AQR: variants seen among roughly 807,000 people sequenced by gnomAD.
AQR encodes the protein RNA helicase aquarius.
Under a neutral mutation model 180.5 loss-of-function variants are expected in AQR, and 61 were observed. That is an observed-to-expected ratio of 0.34 (90% CI 0.28 to 0.42). The LOEUF is 0.42. AQR is among the 10% of genes least tolerant of loss of function. The pLI, the probability that AQR is intolerant of heterozygous loss-of-function variation, is 1.00. For missense variants in AQR, 1,281 were observed against 1,798.3 expected (o/e 0.71, Z 5.20); for synonymous variants, 551 against 588.8 (o/e 0.94, Z 0.93).
chr15:34,923,423 A>G (rs1402508444), intron 13 of AQR, among the ~76,000 whole-genome samples: 1 of 152,164 alleles, frequency 6.6e-6, no homozygotes, highest in Non-Finnish European at 1.5e-5. Context: ...AATGTCTTTC[A>G]AAGAGCAGAA....
intron 27 of AQR, 137 bp from the exon 28 acceptor site, chr15:34,876,143 A>G (rs1357606608): frequency 4.8e-6 from 3 of 622,694 alleles, no homozygotes; most frequent in Non-Finnish European, 8.5e-6. Flanking sequence ...AAAAATAACA[A>G]CATACACATT....
In AQR at chr15:34,856,923, C is replaced by G. The variant is rs1892593793; in HGVS notation, c.4327G>C (p.Gly1443Arg). 3 of 1,613,950 alleles carry G rather than the reference C, an allele frequency of 1.9e-6. No homozygotes were observed. The South Asian group carries it at 3.3e-5, about 18-fold the overall frequency. Residue 1443 changes from glycine (G) to arginine (R), a missense_variant, in exon 35 of 35, where the codon GGA becomes CGA. Gly to Arg is a moderately radical substitution (Grantham distance 125, BLOSUM62 -2). This residue lies in a region of AQR where 182 missense variants were observed against 185.3 expected (regional missense o/e 0.98). Coordinates refer to ENST00000156471, the MANE Select transcript of AQR (RefSeq NM_014691.3). ...FQTDTTPSET[G>R]ATSTPEAIPA... ...ATGGCTTCTGGAGTGGAAGTGGCTCCTGTCTCACTGGGGGTGGTGTCAGTT... is the reference window on the plus strand; with the variant it reads ...ATGGCTTCTGGAGTGGAAGTGGCTCGTGTCTCACTGGGGGTGGTGTCAGTT...
intron 13 of AQR, 36 bp downstream of exon 13, chr15:34,926,999 C>T: frequency 6.8e-6 from 9 of 1,319,416 alleles, no homozygotes; most frequent in African/African-American, 4.5e-5. Context: ...GAGCATGATA[C>T]AAAAAAAGAA....
At chr15:34,944,516 T>TA (rs1322160440) in intron 5 of AQR, 88 bp from the exon 6 acceptor site, 4 of 1,325,978 alleles carry the variant, frequency 3.0e-6, no homozygotes, top group African/African-American at 3.0e-5. Context: ...AGCAGTCTAT[T>TA]AAAAAAACCA....
chr15:34,928,902 G>A (rs1372785914), intron 12 of AQR, among the ~76,000 whole-genome samples: 1 of 152,134 alleles, frequency 6.6e-6, no homozygotes, highest in East Asian at 1.9e-4. Context: ...GAGATGGTAT[G>A]GTATCTCACT....
At chr15:34,966,776 G>C (rs2050311412) in intron 1 of AQR, among the ~76,000 whole-genome samples, 1 of 151,644 alleles carries the variant, frequency 6.6e-6, no homozygotes, top group African/African-American at 2.4e-5. Flanking sequence ...TGGGCCATGG[G>C]AACAAACATT....
Position 34,858,130 on chromosome 15 carries a change from T to G in AQR, c.4144-1024A>C, listed in dbSNP as rs1362135580. 2.0e-5 allele frequency among the ~76,000 whole-genome samples: 3 copies of G among 151,558 alleles called. No homozygotes were observed. The East Asian group carries it at 5.9e-4, about 30-fold the overall frequency. On this transcript the variant is annotated intron_variant, in intron 34 of 34. Transcript: ENST00000156471. ...TCCCAAGTAGCTGGGATTACAGACA[T>G]GTACCACCATGCCTGGCTAATTTTT... is the stretch of plus-strand genomic sequence containing the variant.
intron 19 of AQR, among the ~76,000 whole-genome samples, chr15:34,903,186 A>C (rs747139669): frequency 3.3e-5 from 5 of 152,142 alleles, no homozygotes; most frequent in Non-Finnish European, 7.4e-5. Flanking sequence ...TATTTTAAAA[A>C]ACAGCAAAAA....
At chr15:34,956,466 C>G (rs985076613) in intron 3 of AQR, among the ~76,000 whole-genome samples, 6 of 152,026 alleles carry the variant, frequency 3.9e-5, no homozygotes, top group African/African-American at 1.5e-4. Flanking sequence ...GCCTGGCCAA[C>G]ATGGTGAAAC....
intron 33 of AQR, among the ~76,000 whole-genome samples, chr15:34,862,064 G>A (rs1243162472): frequency 3.9e-5 from 6 of 152,178 alleles, no homozygotes; most frequent in African/African-American, 9.6e-5. Context: ...AAGGATAAAC[G>A]TGAAACTAAA....
intron 13 of AQR, among the ~76,000 whole-genome samples, chr15:34,926,110 T>C (rs758205917): frequency 3.3e-5 from 5 of 151,930 alleles, no homozygotes; most frequent in Non-Finnish European, 7.4e-5. Context: ...GAACTTGCAG[T>C]GAGCCACTGC....
chr15:34,965,785 C>T (rs1490032009), intron 1 of AQR, among the ~76,000 whole-genome samples: 1 of 152,214 alleles, frequency 6.6e-6, no homozygotes, highest in Admixed American at 6.5e-5. Context: ...TCATTCTGCT[C>T]CCTATGGGCA....
In AQR at chr15:34,954,285, G is replaced by GAT. The variant is rs373730002; in HGVS notation, c.174-1367_174-1366dup. On this transcript the variant is annotated intron_variant, in intron 3 of 34. Coordinates refer to ENST00000156471, the MANE Select transcript of AQR (RefSeq NM_014691.3). ...GGTAGAGCAGCCAACTTTCCTTTAT[G>GAT]ATAACTAGACAAGTGAAAAATAAGT... Among the ~76,000 whole-genome samples the GAT allele has an allele frequency of 9.1e-4, 138 of 151,978 alleles. 2 individuals are homozygous for GAT. In the East Asian group the frequency reaches 0.02, roughly 22 times the overall value.
At position 34,873,953 on chromosome 15, in the gene AQR, G is replaced by A. The variant is rs891151533; in HGVS notation, c.3472C>T (p.Pro1158Ser). ...AACTCTGGCAAGAGCTGCACATGGG[G>A]TAAGTTTCCTAGATTCTTGTATCGC... ...NWRYKNLGNL[P>S]HVQLLPEFST... The change falls in exon 30 of 35, where the codon CCC becomes TCC. Residue 1158 changes from proline to serine, a missense_variant. Around this residue, in one of 9 missense-constraint regions of AQR, gnomAD observed 197 missense variants for 320.7 expected, o/e 0.61. Transcript: ENST00000156471. 7 of 1,611,164 alleles carry A rather than the reference G, an allele frequency of 4.3e-6. No homozygotes were observed. The highest frequency in any genetic ancestry group is 2.2e-5 in the East Asian group (1 of 44,806).
At chr15:34,945,451 C>A (rs926960407) in intron 5 of AQR, among the ~76,000 whole-genome samples, 5 of 152,226 alleles carry the variant, frequency 3.3e-5, no homozygotes, top group Non-Finnish European at 7.3e-5. Flanking sequence ...CCTTCTACAT[C>A]TCTGTATATC....
chr15:34,918,399 T>C (rs201970506), intron 14 of AQR, 21 bp from the exon 15 acceptor site: 633 of 1,610,374 alleles, frequency 3.9e-4, no homozygotes, highest in Non-Finnish European at 5.2e-4. Flanking sequence ...GGAAACAAGT[T>C]CATGCAGAAG....
At chr15:34,868,057 A>C (rs1892762842) in intron 31 of AQR, 1 of 162,034 alleles carries the variant, frequency 6.2e-6, no homozygotes. Context: ...TCTTCATTGC[A>C]CTTTCTGTTC....
At chr15:34,871,021 C>T in intron 30 of AQR, 99 bp from the exon 31 acceptor site, 3 of 1,174,856 alleles carry the variant, frequency 2.6e-6, no homozygotes, top group Non-Finnish European at 3.6e-6. Flanking sequence ...GTTCACTTTG[C>T]ACACTGCAAG....
Position 34,853,000 on chromosome 15 carries a change from G to A in AQR, c.*3792C>T, listed in dbSNP as rs897294817. 5 of 152,124 alleles carry A rather than the reference G, an allele frequency of 3.3e-5. No individual in the cohort carries two copies. The highest frequency in any genetic ancestry group is 6.5e-5 in the Admixed American group (1 of 15,276). 9.4% of individuals were successfully genotyped at this position (152,124 alleles called of 1,614,324 possible). On this transcript the variant is annotated 3_prime_UTR_variant, in exon 35 of 35. Transcript: ENST00000156471. Reference sequence around the variant, plus strand: ...AAGAAGAAAAACTGGAGCGTCCAAAGCTTCTGGATTCCATTTAATTAAAAC... The same window carrying A: ...AAGAAGAAAAACTGGAGCGTCCAAAACTTCTGGATTCCATTTAATTAAAAC...
Sources: gnomAD v4.1 joint callset for allele counts (sites outside exome capture counted in the v4.1 genomes callset) on GRCh38, gnomAD v4.1.1 for gene constraint, gnomAD v4.1.1 regional missense constraint, MANE v1.5 for transcripts, NCBI Gene and HGNC (gene_info 2026-07-23, HGNC 2026-07-21) for gene names.